Variants in ZNF215 observed in about 807,000 individuals in gnomAD.
ZNF215 encodes the protein BWSCR2-associated zinc finger protein 2.
Under a neutral mutation model 27.2 loss-of-function variants are expected in ZNF215, and 24 were observed. The observed-to-expected ratio is 0.88, with a 90% CI of 0.64 to 1.24. The LOEUF is 1.24. ZNF215 is among the 50% of genes most tolerant of loss of function. ZNF215 has a pLI of 0.00. For missense variants in ZNF215, 675 were observed against 605.7 expected (o/e 1.11, Z -1.20); for synonymous variants, 210 against 204.0 (o/e 1.03, Z -0.25).
chr11:6,989,573 T>C (rs1851096262), downstream of ZNF215, among the ~76,000 whole-genome samples: 1 of 152,114 alleles, frequency 6.6e-6, no homozygotes, highest in African/African-American at 2.4e-5. Context: ...GGAAATGGTA[T>C]GTTTGAGATT....
chr11:6,956,042 T>C lies in ZNF215; in HGVS notation c.1065T>C (p.Tyr355=), dbSNP rs1850328592. 1 of 1,608,474 alleles carries C rather than the reference T, an allele frequency of 6.2e-7. No individual in the cohort carries two copies. The highest frequency in any genetic ancestry group is 1.3e-5 in the African/African-American group (1 of 74,628). The part of the protein sequence containing the change: ...LDSVGKQHSE[Y]EYGNDLSLST... The stretch of plus-strand genomic sequence containing the variant: ...CAGTAGGTAAGCAACATTCAGAATA[T>C]GAATATGGGAATGACTTGAGTTTGA... The change falls in exon 7 of 7, where the codon TAT becomes TAC. Residue 355 remains tyrosine, a synonymous_variant. Transcript: ENST00000278319.
intron 3 of ZNF215, among the ~76,000 whole-genome samples, 159 bp downstream of exon 3, chr11:6,932,831 AGAGAAT>A (rs1849312739): frequency 6.6e-6 from 1 of 152,268 alleles, no homozygotes; most frequent in South Asian, 2.1e-4. Flanking sequence ...TAATAGAAAT[AGAGAAT>A]TAGATCTCAC....
chr11:6,947,908 G>A (rs1849880347), intron 6 of ZNF215, among the ~76,000 whole-genome samples: 1 of 152,178 alleles, frequency 6.6e-6, no homozygotes, highest in Non-Finnish European at 1.5e-5. Context: ...CTGTTCTTAT[G>A]GGCCAGAGCA....
intron 3 of ZNF215, among the ~76,000 whole-genome samples, chr11:6,933,658 GT>G (rs1849341709): frequency 6.6e-6 from 1 of 152,002 alleles, no homozygotes; most frequent in Non-Finnish European, 1.5e-5. Flanking sequence ...GGGCATGGTG[GT>G]GGGCGGGCAC....
intron 5 of ZNF215, among the ~76,000 whole-genome samples, chr11:6,969,308 C>G (rs915845625): frequency 6.6e-6 from 1 of 152,168 alleles, no homozygotes; most frequent in African/African-American, 2.4e-5. Context: ...TGTTTACTTT[C>G]CTGTATCAAA....
At chr11:6,965,166 A>G (rs1489585436) in intron 5 of ZNF215, among the ~76,000 whole-genome samples, 1 of 152,094 alleles carries the variant, frequency 6.6e-6, no homozygotes, top group Non-Finnish European at 1.5e-5. Flanking sequence ...TTCCACACCA[A>G]ATTGAGAACA....
intron 3 of ZNF215, 27 bp downstream of exon 3, chr11:6,932,699 A>G: frequency 6.4e-7 from 1 of 1,569,988 alleles, no homozygotes; most frequent in Admixed American, 1.9e-5. Context: ...ATTAGAGGTA[A>G]AATACTTGAC....
At chr11:6,985,903 C>T (rs191035419), downstream of ZNF215, among the ~76,000 whole-genome samples, 1 of 151,972 alleles carries the variant, frequency 6.6e-6, no homozygotes, top group East Asian at 1.9e-4. Flanking sequence ...GAAAAAAGGT[C>T]CCATGCTCAT....
At position 6,950,245 on chromosome 11, in the gene ZNF215, G is replaced by A. The variant is rs1460633081; in HGVS notation, c.713-5445G>A. ...TTTTTGGTTCCATATGAACTTTAAAGTAGTTTTTTCCAATTCTGTGAAGAA... is the reference window on the plus strand; with the variant it reads ...TTTTTGGTTCCATATGAACTTTAAAATAGTTTTTTCCAATTCTGTGAAGAA... On this transcript the variant is annotated intron_variant, in intron 6 of 6. Transcript: ENST00000278319. 4.1e-5 allele frequency among the ~76,000 whole-genome samples: 6 copies of A among 145,722 alleles called. No individual in the cohort carries two copies. The East Asian group carries it at 1.2e-3, about 29-fold the overall frequency.
downstream of ZNF215, among the ~76,000 whole-genome samples, chr11:6,959,710 A>G (rs1172784622): frequency 2.0e-5 from 3 of 152,174 alleles, no homozygotes; most frequent in African/African-American, 4.8e-5. Flanking sequence ...TTCTAATCAG[A>G]TATTCAATGG....
intron 5 of ZNF215, among the ~76,000 whole-genome samples, chr11:6,979,069 A>G (rs959087012): frequency 2.6e-5 from 4 of 151,992 alleles, no homozygotes; most frequent in Admixed American, 6.6e-5. Flanking sequence ...TTATCCACCA[A>G]AAGGAACAAG....
At chr11:6,949,354 C>T (rs894721910) in intron 6 of ZNF215, among the ~76,000 whole-genome samples, 2 of 152,178 alleles carry the variant, frequency 1.3e-5, no homozygotes, top group African/African-American at 2.4e-5. Flanking sequence ...AACTAGTTTA[C>T]AGTCCCACCA....
At chr11:6,947,898 C>G (rs1227682202) in intron 6 of ZNF215, among the ~76,000 whole-genome samples, 1 of 152,216 alleles carries the variant, frequency 6.6e-6, no homozygotes, top group African/African-American at 2.4e-5. Flanking sequence ...CAGAACTTAA[C>G]TGTTCTTATG....
At chr11:6,986,841 A>G (rs1466245875), downstream of ZNF215, among the ~76,000 whole-genome samples, 1 of 85,138 alleles carries the variant, frequency 1.2e-5, no homozygotes, top group Non-Finnish European at 2.7e-5. Flanking sequence ...TTAAAAAGTC[A>G]AAAACAAAAA....
chr11:6,938,855 T>C (rs1189948191), intron 3 of ZNF215, among the ~76,000 whole-genome samples: 2 of 152,164 alleles, frequency 1.3e-5, no homozygotes, highest in African/African-American at 4.8e-5. Flanking sequence ...AACCACTGGA[T>C]TGTATTCTTT....
At chr11:6,981,339 T>G (rs1448852855) in intron 5 of ZNF215, among the ~76,000 whole-genome samples, 3 of 151,162 alleles carry the variant, frequency 2.0e-5, no homozygotes, top group East Asian at 3.9e-4. Flanking sequence ...GTGGTTTTGA[T>G]TTGCATTTCT....
At chr11:6,989,111 G>A (rs1261425259), downstream of ZNF215, among the ~76,000 whole-genome samples, 3 of 134,562 alleles carry the variant, frequency 2.2e-5, no homozygotes, top group Non-Finnish European at 4.6e-5. Context: ...AGCCCAGATC[G>A]TGCCAATGCA....
chr11:6,947,257 A>C (rs1849849383), intron 6 of ZNF215, among the ~76,000 whole-genome samples: 1 of 152,224 alleles, frequency 6.6e-6, no homozygotes, highest in Non-Finnish European at 1.5e-5. Flanking sequence ...TCAAATAGTT[A>C]ATGGATTGTG....
In ZNF215 at chr11:6,971,225, AG is replaced by A. The variant is rs574642152; in HGVS notation, c.806-12903del. 4.5e-3 allele frequency among the ~76,000 whole-genome samples: 689 copies of A among 152,318 alleles called. 6 individuals carry two copies. Among genetic ancestry groups the A allele is most frequent in the Non-Finnish European group, 5.6e-3 (384 of 68,028 alleles). ...ATTCTTGCCTGAATCCTCATTGCCT[AG>A]CACAGTGTCTGAACATAGCAGATGT... On this transcript the variant is annotated intron_variant, in intron 5 of 5. Transcript: ENST00000529903.
Sources: gnomAD v4.1 joint callset for allele counts (sites outside exome capture counted in the v4.1 genomes callset) on GRCh38, gnomAD v4.1.1 for gene constraint, MANE v1.5 for transcripts, NCBI Gene and HGNC (gene_info 2026-07-23, HGNC 2026-07-21) for gene names.